The following ABCA4 variants were observed in gnomAD, a reference collection of about 807,000 sequenced individuals.
The protein encoded by ABCA4 is retinal-specific phospholipid-transporting ATPase ABCA4.
A neutral mutation model predicts 263.7 loss-of-function variants in ABCA4; 196 were observed. That is an observed-to-expected ratio of 0.74 (90% confidence interval 0.66 to 0.84). The LOEUF is 0.84. Ranked by LOEUF, ABCA4 falls within the 40% of genes least tolerant of loss-of-function variation. ABCA4 has a pLI of 0.00. For missense variants in ABCA4, 2,792 were observed against 2,855.1 expected, an observed-to-expected ratio of 0.98 and a Z score of 0.50; for synonymous variants, 1,133 against 1,094.2, an observed-to-expected ratio of 1.04 and a Z score of -0.70.
At chr1:94,114,496 T>TC (rs1354797168) in intron 1 of ABCA4, among the ~76,000 whole-genome samples, 2 of 151,904 alleles carry the variant, frequency 1.3e-5, no homozygotes, top group African/African-American at 4.8e-5. Flanking sequence ...CACTTTTTTT[T>TC]TTCTTTTTGA....
At chr1:94,111,320 G>T (rs1423153828) in intron 3 of ABCA4, 118 bp downstream of exon 3, 30 of 1,381,298 alleles carry the variant, frequency 2.2e-5, no homozygotes, top group Middle Eastern at 4.9e-4. Context: ...GAGGTTAGGG[G>T]CTCAGCAAAG....
At chr1:94,019,000 G>A (rs935370183) in intron 36 of ABCA4, among the ~76,000 whole-genome samples, 1 of 112,186 alleles carries the variant, frequency 8.9e-6, no homozygotes, top group African/African-American at 3.5e-5. Context: ...TGAAATTTGA[G>A]TTTCAGATAA....
intron 47 of ABCA4, 90 bp from the exon 48 acceptor site, chr1:93,998,200 TG>T: frequency 6.3e-7 from 1 of 1,592,428 alleles, no homozygotes; most frequent in East Asian, 2.2e-5. Flanking sequence ...TCAGAAATTT[TG>T]GGGATTAAGC....
At chr1:94,016,300 G>A (rs1296649370) in intron 36 of ABCA4, among the ~76,000 whole-genome samples, 1 of 152,198 alleles carries the variant, frequency 6.6e-6, no homozygotes, top group African/African-American at 2.4e-5. Context: ...GCAACAGTGG[G>A]GTTAGGGGAG....
intron 11 of ABCA4, among the ~76,000 whole-genome samples, chr1:94,072,674 A>G (rs1224861307): frequency 6.6e-6 from 1 of 152,170 alleles, no homozygotes; most frequent in Non-Finnish European, 1.5e-5. Flanking sequence ...CTGTATGAGG[A>G]CCCATTTGTC....
In ABCA4 at chr1:94,044,669, C is replaced by T. The variant is rs891025260; in HGVS notation, c.2994G>A (p.Leu998=). The change falls in exon 20 of 50, where the codon CTG becomes CTA. Residue 998 remains leucine, a synonymous_variant. Transcript: ENST00000370225. The stretch of plus-strand genomic sequence containing the variant: ...TGCCAAGGCTCTGCCGGACTGCATC[C>T]AGGCTGGTTTCAATGTCCCTTCCCC... The part of the protein sequence containing the change: ...LVGGRDIETS[L]DAVRQSLGMC... 1 of 1,614,176 alleles carries T rather than the reference C, an allele frequency of 6.2e-7. No individual in the cohort carries two copies. The highest frequency in any genetic ancestry group is 1.3e-5 in the African/African-American group (1 of 75,028).
Position 94,023,284 on chromosome 1 carries a change from C to T in ABCA4, c.4667+102G>A, listed in dbSNP as rs190475334. On this transcript the variant is annotated intron_variant, in intron 32 of 49. Coordinates refer to ENST00000370225, the MANE Select transcript of ABCA4 (RefSeq NM_000350.3). Reference sequence around the variant, plus strand: ...TGTGACTTCCTGAGCACCTACAGAACAGCCCCTCCTCATGGCTGTGAGGTG... The same window carrying T: ...TGTGACTTCCTGAGCACCTACAGAATAGCCCCTCCTCATGGCTGTGAGGTG... The T allele has an allele frequency of 2.6e-3, 2,526 of 974,840 alleles. 14 individuals are homozygous for T. The highest frequency in any genetic ancestry group is 0.011 in the South Asian group (752 of 71,530). 60.4% of individuals were successfully genotyped at this position (974,840 alleles called of 1,614,324 possible). A position where few individuals can be genotyped will look rare whatever the true frequency, so the allele number is the denominator to read the frequency against.
intron 1 of ABCA4, among the ~76,000 whole-genome samples, chr1:94,114,040 A>G (rs1437446763): frequency 1.3e-5 from 2 of 152,240 alleles, no homozygotes; most frequent in African/African-American, 2.4e-5. Flanking sequence ...AAGGAAACAC[A>G]TAAGATCTGA....
rs143689372 is a variant in ABCA4, at chr1:94,042,784, T to C, written c.3305A>G (p.Asp1102Gly). The change falls in exon 22 of 50, where the codon GAT becomes GGT. Residue 1102 changes from aspartate to glycine, a missense_variant. By Grantham distance (94) the Asp-to-Gly change is moderately conservative (BLOSUM62 -1). Coordinates refer to ENST00000370225, the MANE Select transcript of ABCA4 (RefSeq NM_000350.3). The part of the protein sequence containing the change: ...VDPYSRRSIW[D>G]LLLKYRSGRT... ...ACCTGAGCGATACTTCAGGAGCAGATCCCAGATTGAGCGTCTCGAGTAAGG... is the reference window on the plus strand; with the variant it reads ...ACCTGAGCGATACTTCAGGAGCAGACCCCAGATTGAGCGTCTCGAGTAAGG... The C allele has an allele frequency of 3.1e-6, 5 of 1,614,056 alleles. No homozygotes were observed. The African/African-American group carries it at 6.7e-5, about 22-fold the overall frequency.
At chr1:94,083,309 A>G in intron 7 of ABCA4, 43 bp downstream of exon 7, 1 of 1,455,292 alleles carries the variant, frequency 6.9e-7, no homozygotes, top group Admixed American at 1.7e-5. Context: ...TAAATGGTGG[A>G]AAGACATAAT....
intron 23 of ABCA4, among the ~76,000 whole-genome samples, 174 bp downstream of exon 23, chr1:94,041,035 C>T (rs1660470981): frequency 6.6e-6 from 1 of 152,212 alleles, no homozygotes; most frequent in African/African-American, 2.4e-5. Flanking sequence ...TAAAGCATCT[C>T]TGTAGGAGGA....
intron 28 of ABCA4, among the ~76,000 whole-genome samples, 183 bp from the exon 29 acceptor site, chr1:94,030,709 T>G (rs576011304): frequency 6.6e-6 from 1 of 152,210 alleles, no homozygotes. Flanking sequence ...AGTGGTCTGA[T>G]GGCATGTCAC....
At chr1:94,085,709 C>A (rs1661809844) in intron 6 of ABCA4, among the ~76,000 whole-genome samples, 1 of 152,194 alleles carries the variant, frequency 6.6e-6, no homozygotes, top group South Asian at 2.1e-4. Context: ...CCTCTGTGAG[C>A]TGGTGCCTGG....
rs115675072 is a variant in ABCA4, at chr1:94,095,043, G to A, written c.768+3751C>T. ...TCCTTGGAGAAAATCCAGTCATTTGGCTCTTATTTCTCTCCCAGTCCACCT... is the reference window on the plus strand; with the variant it reads ...TCCTTGGAGAAAATCCAGTCATTTGACTCTTATTTCTCTCCCAGTCCACCT... On this transcript the variant is annotated intron_variant, in intron 6 of 49. Coordinates refer to ENST00000370225, the MANE Select transcript of ABCA4 (RefSeq NM_000350.3). Among the ~76,000 whole-genome samples the A allele has an allele frequency of 6.6e-3, 1,002 of 152,342 alleles. 14 individuals are homozygous for A. Among genetic ancestry groups the A allele is most frequent in the African/African-American group, 0.022 (925 of 41,578 alleles).
At chr1:94,091,947 G>A (rs1343082234) in intron 6 of ABCA4, among the ~76,000 whole-genome samples, 1 of 152,192 alleles carries the variant, frequency 6.6e-6, no homozygotes, top group Non-Finnish European at 1.5e-5. Context: ...TTTTTCTTAA[G>A]GTAGAACAGA....
chr1:94,065,885 A>G lies in ABCA4; in HGVS notation c.1555-2568T>C, dbSNP rs1661257068. 2.0e-5 allele frequency among the ~76,000 whole-genome samples: 3 copies of G among 152,244 alleles called. No individual in the cohort carries two copies. The South Asian group carries it at 6.2e-4, about 32-fold the overall frequency. On this transcript the variant is annotated intron_variant, in intron 11 of 49. Transcript: ENST00000370225. Reference sequence around the variant, plus strand: ...TATGTTAAAAGGAAATGGAATTGGTATTTCTTTAAGAAATACCAGTATGTG... The same window carrying G: ...TATGTTAAAAGGAAATGGAATTGGTGTTTCTTTAAGAAATACCAGTATGTG...
chr1:94,024,966 A>T lies in ABCA4; in HGVS notation c.4622T>A (p.Leu1541His), dbSNP rs1333842736. The T allele has an allele frequency of 8.1e-6, 13 of 1,613,950 alleles. No individual in the cohort carries two copies. The highest frequency in any genetic ancestry group is 1.3e-5 in the African/African-American group (1 of 74,944). Residue 1541 changes from leucine to histidine, a missense_variant, in exon 31 of 50, where the codon CTT (leucine) becomes CAT (histidine). Leu to His is a moderately conservative substitution (Grantham distance 99). Transcript: ENST00000370225. ...GATTTCTTCTTACCTGCTTCTTATAAGAGCAGGATACGTTTTTACCAAGAA... is the reference window on the plus strand; with the variant it reads ...GATTTCTTCTTACCTGCTTCTTATATGAGCAGGATACGTTTTTACCAAGAA... ...SDFLVKTYPA[L>H]IRSSLKSKFW... is the part of the protein sequence containing the mutation.
intron 11 of ABCA4, among the ~76,000 whole-genome samples, chr1:94,067,636 A>G (rs1442358181): frequency 6.6e-6 from 1 of 152,156 alleles, no homozygotes; most frequent in Non-Finnish European, 1.5e-5. Context: ...CTGTTTCCCT[A>G]CCTACAAAAT....
At chr1:94,049,040 G>T (rs996190706) in intron 17 of ABCA4, 83 bp from the exon 18 acceptor site, 3 of 1,354,674 alleles carry the variant, frequency 2.2e-6, no homozygotes, top group East Asian at 2.3e-5. Flanking sequence ...GAGGTACAGG[G>T]AGCAAATGAG....
Sources: gnomAD v4.1 joint callset for allele counts (sites outside exome capture counted in the v4.1 genomes callset) on GRCh38, gnomAD v4.1.1 for gene constraint, MANE v1.5 for transcripts, NCBI Gene and HGNC (gene_info 2026-07-23, HGNC 2026-07-21) for gene names.